ZSWIM6: variants seen among roughly 807,000 people sequenced by gnomAD.
The protein encoded by ZSWIM6 is zinc finger SWIM-type containing 6.
A neutral mutation model predicts 113.2 loss-of-function variants in ZSWIM6; 9 were observed. The observed-to-expected ratio is 0.08, with a 90% CI of 0.05 to 0.14. The LOEUF (loss-of-function observed/expected upper bound fraction) is 0.14, where lower values mean the gene tolerates loss of function less well. Among genes scored for constraint, ZSWIM6 ranks in the 10% least tolerant of loss-of-function variants. The pLI is 1.00. For synonymous variants in ZSWIM6, 611 were observed against 606.5 expected (o/e 1.01, Z -0.11); for missense variants, 1,162 against 1,552.2 (o/e 0.75, Z 4.22).
At chr5:61,460,515 T>C (rs956468732) in intron 1 of ZSWIM6, among the ~76,000 whole-genome samples, 10 of 152,180 alleles carry the variant, frequency 6.6e-5, no homozygotes, top group Non-Finnish European at 1.5e-4. Context: ...AGAACATGGC[T>C]TCGGAAATGG....
In ZSWIM6 at chr5:61,398,284, T is replaced by G. The variant is rs529751857; in HGVS notation, c.676+65336T>G. ...AGAGATTCTGATTCTTATAGGAGGG[T>G]GAACCTTATTGTGAACTGTGTATGC... is the stretch of plus-strand genomic sequence containing the variant. On this transcript the variant is annotated intron_variant, in intron 1 of 13. Transcript: ENST00000252744. 2.6e-5 allele frequency among the ~76,000 whole-genome samples: 4 copies of G among 152,256 alleles called. No homozygotes were observed. The East Asian group carries it at 7.7e-4, about 29-fold the overall frequency.
chr5:61,539,490 CT>C (rs1192478422), intron 11 of ZSWIM6, 105 bp from the exon 12 acceptor site: 5 of 1,314,662 alleles, frequency 3.8e-6, no homozygotes, highest in African/African-American at 1.5e-5. Flanking sequence ...TGTTTTGTTT[CT>C]TTTTTCCCCC....
chr5:61,474,784 C>T (rs939530072), intron 2 of ZSWIM6, among the ~76,000 whole-genome samples: 1 of 152,118 alleles, frequency 6.6e-6, no homozygotes, highest in Non-Finnish European at 1.5e-5. Context: ...TGTAAACATT[C>T]TTTTATAAGT....
At chr5:61,337,817 A>G (rs1226749856) in intron 1 of ZSWIM6, among the ~76,000 whole-genome samples, 4 of 152,222 alleles carry the variant, frequency 2.6e-5, no homozygotes, top group Non-Finnish European at 1.5e-5. Flanking sequence ...TGAATGGTCA[A>G]GGTTTTTGGG....
intron 2 of ZSWIM6, among the ~76,000 whole-genome samples, chr5:61,483,482 G>A (rs917301599): frequency 6.6e-6 from 1 of 152,038 alleles, no homozygotes; most frequent in African/African-American, 2.4e-5. Context: ...TTTGCTATTA[G>A]ATTTTTCTCC....
intron 1 of ZSWIM6, among the ~76,000 whole-genome samples, chr5:61,402,094 G>A (rs935193614): frequency 2.6e-5 from 4 of 152,046 alleles, no homozygotes; most frequent in Admixed American, 1.3e-4. Context: ...TCAAGGAAAT[G>A]ATTTCTTATC....
chr5:61,502,636 A>G (rs1748503746), intron 4 of ZSWIM6, among the ~76,000 whole-genome samples: 1 of 152,232 alleles, frequency 6.6e-6, no homozygotes, highest in Admixed American at 6.5e-5. Flanking sequence ...GGGTTCCCCC[A>G]TCCCCGGACT....
At chr5:61,425,816 G>A (rs1025095862) in intron 1 of ZSWIM6, among the ~76,000 whole-genome samples, 1 of 152,206 alleles carries the variant, frequency 6.6e-6, no homozygotes, top group Non-Finnish European at 1.5e-5. Flanking sequence ...GGAATGTTGA[G>A]AGTATATGGG....
intron 4 of ZSWIM6, among the ~76,000 whole-genome samples, chr5:61,511,578 A>G (rs924556757): frequency 6.6e-6 from 1 of 152,090 alleles, no homozygotes; most frequent in Non-Finnish European, 1.5e-5. Context: ...GATTAGTGCT[A>G]TTGTAAAAGA....
At chr5:61,402,374 C>T (rs185561027) in intron 1 of ZSWIM6, among the ~76,000 whole-genome samples, 148 of 152,274 alleles carry the variant, frequency 9.7e-4, no homozygotes, top group African/African-American at 3.3e-3. Flanking sequence ...TCTTTTAAAA[C>T]TACAATGGAA....
chr5:61,491,047 T>C, intron 3 of ZSWIM6, 113 bp downstream of exon 3: 1 of 1,073,474 alleles, frequency 9.3e-7, no homozygotes, highest in South Asian at 2.3e-5. Context: ...AAGAACAGGG[T>C]CTTAGCTGAC....
chr5:61,389,029 A>G (rs1450979923), intron 1 of ZSWIM6, among the ~76,000 whole-genome samples: 1 of 152,154 alleles, frequency 6.6e-6, no homozygotes, highest in South Asian at 2.1e-4. Context: ...CATACCTGCA[A>G]ACTCATTCAG....
At chr5:61,435,645 C>G (rs1172732572) in intron 1 of ZSWIM6, among the ~76,000 whole-genome samples, 1 of 152,228 alleles carries the variant, frequency 6.6e-6, no homozygotes, top group African/African-American at 2.4e-5. Flanking sequence ...TGCTTTAAAT[C>G]AGGATAACTA....
chr5:61,436,458 T>C (rs1037833952), intron 1 of ZSWIM6, among the ~76,000 whole-genome samples: 1 of 152,204 alleles, frequency 6.6e-6, no homozygotes, highest in Non-Finnish European at 1.5e-5. Context: ...ACAGAACTTA[T>C]ATATCCTGCA....
chr5:61,445,574 A>G (rs1746933276), intron 1 of ZSWIM6, among the ~76,000 whole-genome samples: 1 of 152,244 alleles, frequency 6.6e-6, no homozygotes, highest in African/African-American at 2.4e-5. Context: ...AATGTTACTT[A>G]ATTTTGATAA....
At position 61,544,046 on chromosome 5, in the gene ZSWIM6, A is replaced by T. The variant is rs1749817175; in HGVS notation, c.3377A>T (p.Asn1126Ile). The T allele has an allele frequency of 1.3e-6, 2 of 1,551,814 alleles. No homozygotes were observed. The highest frequency in any genetic ancestry group is 1.7e-6 in the Non-Finnish European group (2 of 1,147,032). ...PGMVGLHGRR[N>I]SGKLMSLDKA... ...ATGGTGGGACTTCATGGGAGGAGGA[A>T]CTCTGGTAAGCTCATGTCACTGGAC... The change falls in exon 14 of 14, where the codon AAC becomes ATC. Residue 1126 changes from asparagine (N) to isoleucine (I), a missense_variant. This residue lies in a region of ZSWIM6 where 113 missense variants were observed against 213.8 expected (regional missense o/e 0.53). Coordinates refer to ENST00000252744, the MANE Select transcript of ZSWIM6 (RefSeq NM_020928.2).
chr5:61,481,428 G>T (rs1275255143), intron 2 of ZSWIM6, among the ~76,000 whole-genome samples: 1 of 151,920 alleles, frequency 6.6e-6, no homozygotes, highest in Non-Finnish European at 1.5e-5. Flanking sequence ...TCAGGATCAT[G>T]AATACTTTTA....
At chr5:61,446,255 C>T (rs1580000615) in intron 1 of ZSWIM6, among the ~76,000 whole-genome samples, 1 of 152,278 alleles carries the variant, frequency 6.6e-6, no homozygotes, top group East Asian at 1.9e-4. Flanking sequence ...AATCTCCTGA[C>T]CTCATGATCC....
chr5:61,443,838 G>C (rs548767895), intron 1 of ZSWIM6, among the ~76,000 whole-genome samples: 1 of 152,132 alleles, frequency 6.6e-6, no homozygotes, highest in South Asian at 2.1e-4. Flanking sequence ...TTATTTGAAA[G>C]AGAAAACCAA....
Sources: gnomAD v4.1 joint callset for allele counts (sites outside exome capture counted in the v4.1 genomes callset) on GRCh38, gnomAD v4.1.1 for gene constraint, gnomAD v4.1.1 regional missense constraint, MANE v1.5 for transcripts, NCBI Gene and HGNC (gene_info 2026-07-23, HGNC 2026-07-21) for gene names.